Variants in ZNF18 observed in about 807,000 individuals in gnomAD.
The protein encoded by ZNF18 is zinc finger protein 18.
Under a neutral mutation model 58.1 loss-of-function variants are expected in ZNF18, and 42 were observed. The observed-to-expected ratio is 0.72, with a 90% CI of 0.56 to 0.93. ZNF18 has a LOEUF of 0.93. Among genes scored for constraint, ZNF18 ranks in the 40% least tolerant of loss-of-function variants. The pLI, the probability that ZNF18 is intolerant of heterozygous loss-of-function variation, is 0.00. For missense variants in ZNF18, 540 were observed against 644.2 expected (o/e 0.84, Z 1.75); for synonymous variants, 231 against 239.8 (o/e 0.96, Z 0.34).
Position 11,997,469 on chromosome 17 carries a change from G to A in ZNF18, c.-121C>T, listed in dbSNP as rs1462025552. On this transcript the variant is annotated 5_prime_UTR_variant, in exon 1 of 7. Coordinates refer to ENST00000580306, the MANE Select transcript of ZNF18 (RefSeq NM_001303281.2). ...GCCGGCTCCGGGCGCACTTCCGGGA[G>A]CTGGGTGGCTGCGCGCGCCTCAGGC... The A allele has an allele frequency of 6.6e-6, 1 of 152,284 alleles. No homozygotes were observed. The highest frequency in any genetic ancestry group is 1.5e-5 in the Non-Finnish European group (1 of 68,086). The allele number at this position is 152,284 out of a possible 1,614,324, so 9.4% of individuals were successfully genotyped here.
chr17:11,990,386 G>A (rs117752767), intron 4 of ZNF18, 76 bp downstream of exon 4: 12,607 of 1,260,064 alleles, frequency 0.01, 91 homozygotes, highest in Non-Finnish European at 0.012. Context: ...ATGGAGAATG[G>A]GGTGAAGAGA....
intron 4 of ZNF18, among the ~76,000 whole-genome samples, chr17:11,984,754 G>C (rs192796031): frequency 2.0e-5 from 3 of 152,014 alleles, no homozygotes; most frequent in Non-Finnish European, 4.4e-5. Flanking sequence ...TGATCTGCCC[G>C]CCTTGGCCTC....
the ZNF18 span, among the ~76,000 whole-genome samples, chr17:12,003,673 T>C: frequency 1.3e-5 from 2 of 152,214 alleles, no homozygotes; most frequent in African/African-American, 4.8e-5. Flanking sequence ...ACTTCAGGAT[T>C]TCAATGACTA....
At chr17:11,986,711 A>G (rs1350940364) in intron 4 of ZNF18, among the ~76,000 whole-genome samples, 3 of 152,250 alleles carry the variant, frequency 2.0e-5, no homozygotes, top group Admixed American at 6.5e-5. Flanking sequence ...CTTTGTGGTC[A>G]GAACACATGG....
At chr17:11,981,721 G>C (rs550506855) in intron 6 of ZNF18, among the ~76,000 whole-genome samples, 1 of 151,988 alleles carries the variant, frequency 6.6e-6, no homozygotes, top group Admixed American at 6.6e-5. Context: ...GAGCTATATG[G>C]GAAATCTCTG....
chr17:12,000,446 C>T (rs1468025793), upstream of ZNF18, among the ~76,000 whole-genome samples: 8 of 152,100 alleles, frequency 5.3e-5, no homozygotes, highest in East Asian at 1.9e-4. Context: ...TGGTGGTTCA[C>T]GCCTGTAATC....
At chr17:11,978,847 T>TTC in intron 6 of ZNF18, 103 bp from the exon 7 acceptor site, 1 of 725,814 alleles carries the variant, frequency 1.4e-6, no homozygotes, top group Non-Finnish European at 2.0e-6. Flanking sequence ...TTTCTTTTTT[T>TTC]TTTTTTTTTT....
intron 5 of ZNF18, 38 bp from the exon 6 acceptor site, chr17:11,983,445 A>C (rs770585217): frequency 4.6e-6 from 7 of 1,522,470 alleles, no homozygotes; most frequent in Non-Finnish European, 6.4e-6. Context: ...CTGGATGAAT[A>C]GGGAAGACTG....
the ZNF18 span, among the ~76,000 whole-genome samples, chr17:12,013,718 T>C: frequency 6.6e-6 from 1 of 152,244 alleles, no homozygotes; most frequent in Admixed American, 6.5e-5. Context: ...TAATTCCAAA[T>C]GTCAGGTAAC....
intron 1 of ZNF18, chr17:11,995,561 T>A (rs1170847956): frequency 6.6e-6 from 1 of 151,504 alleles, no homozygotes; most frequent in African/African-American, 2.4e-5. Flanking sequence ...TGCGCACCTG[T>A]AATCCCAGCA....
intron 6 of ZNF18, among the ~76,000 whole-genome samples, chr17:11,982,284 T>C (rs1201812012): frequency 2.0e-5 from 3 of 152,236 alleles, no homozygotes; most frequent in Non-Finnish European, 4.4e-5. Context: ...ACACAGTACA[T>C]GCACACATAT....
the ZNF18 span, among the ~76,000 whole-genome samples, chr17:12,017,534 G>A: frequency 2.0e-5 from 3 of 152,152 alleles, no homozygotes; most frequent in African/African-American, 7.2e-5. Context: ...GTCCTAAGGT[G>A]AAATCCAGTT....
the ZNF18 span, chr17:12,010,913 C>A: frequency 1.8e-6 from 1 of 543,036 alleles, no homozygotes; most frequent in Non-Finnish European, 3.4e-6. Context: ...TTTCAGGAAG[C>A]TATCTTGGCT....
At chr17:11,996,728 A>G (rs1342159098) in intron 1 of ZNF18, 2 of 152,206 alleles carry the variant, frequency 1.3e-5, no homozygotes, top group Non-Finnish European at 1.5e-5. Flanking sequence ...GGTTACATAT[A>G]TAAGTAACCA....
At chr17:11,979,573 TTAA>T (rs1967206419) in intron 6 of ZNF18, among the ~76,000 whole-genome samples, 1 of 152,228 alleles carries the variant, frequency 6.6e-6, no homozygotes, top group South Asian at 2.1e-4. Flanking sequence ...GTTATAGTAC[TTAA>T]TGATGCAAAT....
At chr17:11,982,731 A>G (rs945329019) in intron 6 of ZNF18, among the ~76,000 whole-genome samples, 5 of 149,722 alleles carry the variant, frequency 3.3e-5, no homozygotes, top group African/African-American at 1.2e-4. Flanking sequence ...CGTAACTTCA[A>G]TGTTTCAGAA....
At chr17:12,005,033 A>G in the ZNF18 span, among the ~76,000 whole-genome samples, 4 of 151,178 alleles carry the variant, frequency 2.6e-5, no homozygotes, top group African/African-American at 9.7e-5. Context: ...ATATTTATAC[A>G]CACACTAAGT....
chr17:11,980,365 T>C (rs534191477), intron 6 of ZNF18, among the ~76,000 whole-genome samples: 5 of 152,204 alleles, frequency 3.3e-5, no homozygotes, highest in Non-Finnish European at 7.3e-5. Flanking sequence ...ATTTTTCTTA[T>C]CAACTTTCTT....
chr17:11,996,183 T>C (rs139484741), intron 1 of ZNF18, among the ~76,000 whole-genome samples: 1 of 152,318 alleles, frequency 6.6e-6, no homozygotes, highest in African/African-American at 2.4e-5. Flanking sequence ...AATGACAGCA[T>C]TATCAAACCA....
Sources: allele counts gnomAD v4.1 joint callset (sites outside exome capture counted in the v4.1 genomes callset), GRCh38; gene constraint gnomAD v4.1.1; transcripts MANE v1.5; gene names NCBI Gene and HGNC (gene_info 2026-07-23, HGNC 2026-07-21).